The following SPAG16 variants were observed in gnomAD, a reference collection of about 807,000 sequenced individuals.
SPAG16 encodes sperm-associated antigen 16 protein.
In SPAG16, 86 loss-of-function variants were observed where a neutral mutation model predicts 80.4. The observed-to-expected ratio is 1.07, with a 90% CI of 0.90 to 1.28. The LOEUF is 1.28. Among genes scored for constraint, SPAG16 ranks in the 50% most tolerant of loss-of-function variants. The pLI, the probability that SPAG16 is intolerant of heterozygous loss-of-function variation, is 0.00. For missense variants in SPAG16, 870 were observed against 765.3 expected, an observed-to-expected ratio of 1.14 and a Z score of -1.61; for synonymous variants, 294 against 265.9, an observed-to-expected ratio of 1.11 and a Z score of -1.03.
chr2:213,829,386 C>T (rs2073493529), intron 10 of SPAG16, among the ~76,000 whole-genome samples: 1 of 152,018 alleles, frequency 6.6e-6, no homozygotes, highest in Non-Finnish European at 1.5e-5. Flanking sequence ...AGGACTCGCT[C>T]TTCAGGGATG....
At chr2:214,379,060 G>A (rs1402914069) in intron 15 of SPAG16, among the ~76,000 whole-genome samples, 1 of 152,218 alleles carries the variant, frequency 6.6e-6, no homozygotes, top group African/African-American at 2.4e-5. Flanking sequence ...GAACTCTGGA[G>A]TAGATTGACA....
At chr2:214,368,826 T>C (rs1343980000) in intron 15 of SPAG16, among the ~76,000 whole-genome samples, 1 of 152,092 alleles carries the variant, frequency 6.6e-6, no homozygotes. Flanking sequence ...CTGAAACCCT[T>C]ATACCTCTAA....
chr2:213,738,495 A>G (rs1373353921), intron 10 of SPAG16, among the ~76,000 whole-genome samples: 1 of 152,162 alleles, frequency 6.6e-6, no homozygotes, highest in Non-Finnish European at 1.5e-5. Flanking sequence ...TAGCTACATT[A>G]CTATTCTTGG....
chr2:214,089,357 A>G (rs1001609212), intron 13 of SPAG16, among the ~76,000 whole-genome samples: 6 of 152,130 alleles, frequency 3.9e-5, no homozygotes, highest in Non-Finnish European at 7.4e-5. Context: ...TTAGAAATTC[A>G]CAATTTCTGA....
At chr2:213,343,461 AAT>A (rs1377045409) in intron 6 of SPAG16, among the ~76,000 whole-genome samples, 3 of 152,180 alleles carry the variant, frequency 2.0e-5, no homozygotes, top group African/African-American at 7.2e-5. Flanking sequence ...ACAATAAATA[AAT>A]AAAGTTTATA....
chr2:213,867,013 A>G, intron 11 of SPAG16, among the ~76,000 whole-genome samples: 1 of 93,354 alleles, frequency 1.1e-5, no homozygotes, highest in African/African-American at 2.8e-5. Flanking sequence ...GCCTCAAAAT[A>G]ATAACTATAC....
In SPAG16 at chr2:214,102,963, T is replaced by C. The variant is rs1473255122; in HGVS notation, c.1528-5233T>C. Among the ~76,000 whole-genome samples the C allele has an allele frequency of 3.9e-5, 6 of 152,126 alleles. No homozygotes were observed. The South Asian group carries it at 1.2e-3, about 32-fold the overall frequency. ...GCTAGGACTTCATGGGCTTGCCTCT[T>C]TCCCATGATTCTTCGCGTAGGGTGG... On this transcript the variant is annotated intron_variant, in intron 13 of 15. Coordinates refer to ENST00000331683, the MANE Select transcript of SPAG16 (RefSeq NM_024532.5).
At chr2:213,928,905 A>ACG (rs1052220700) in intron 11 of SPAG16, among the ~76,000 whole-genome samples, 5 of 2,112 alleles carry the variant, frequency 2.4e-3, no homozygotes, top group African/African-American at 2.5e-3. Flanking sequence ...AGCTGATGTT[A>ACG]CACACACACA....
At chr2:213,541,694 A>G (rs1331425724) in intron 10 of SPAG16, among the ~76,000 whole-genome samples, 1 of 152,242 alleles carries the variant, frequency 6.6e-6, no homozygotes, top group Admixed American at 6.5e-5. Flanking sequence ...TCCAAGATGT[A>G]TAATAAACAT....
At chr2:213,744,191 G>A (rs1409493859) in intron 10 of SPAG16, among the ~76,000 whole-genome samples, 15 of 152,146 alleles carry the variant, frequency 9.9e-5, no homozygotes, top group Admixed American at 9.8e-4. Flanking sequence ...GGACAGCTCT[G>A]AACCAAAGCA....
chr2:213,606,474 T>G (rs1163330101), intron 10 of SPAG16, among the ~76,000 whole-genome samples: 1 of 152,222 alleles, frequency 6.6e-6, no homozygotes. Context: ...TCATTGTGTT[T>G]TGATTGAAAC....
intron 9 of SPAG16, among the ~76,000 whole-genome samples, chr2:213,379,928 C>T (rs975856430): frequency 5.9e-5 from 9 of 152,102 alleles, no homozygotes; most frequent in South Asian, 2.1e-4. Flanking sequence ...GTCCACAGAA[C>T]GGGGCATCCT....
chr2:214,406,027 T>A (rs563065947), intron 15 of SPAG16, among the ~76,000 whole-genome samples: 80 of 152,196 alleles, frequency 5.3e-4, no homozygotes, highest in Non-Finnish European at 7.3e-4. Context: ...ATAAAGGTTT[T>A]TGTGCTCCTA....
In SPAG16 at chr2:214,013,964, T is replaced by A. The variant is rs2047452666; in HGVS notation, c.1414T>A (p.Cys472Ser). 2 of 1,613,212 alleles carry A rather than the reference T, an allele frequency of 1.2e-6. No homozygotes were observed. Among genetic ancestry groups the A allele is most frequent in the Non-Finnish European group, 8.5e-7 (1 of 1,179,596 alleles). Residue 472 changes from cysteine (C) to serine (S), a missense_variant, in exon 13 of 16, where the codon TGT (cysteine) becomes AGT (serine). Physicochemically the swap from Cys to Ser is moderately radical, Grantham distance 112 (BLOSUM62 -1). Transcript: ENST00000331683. ...IWDVNSERCR[C>S]TLYGHTDSVN... Reference sequence around the variant, plus strand: ...CTCTCTTTATAGTGAAAGATGCAGATGTACTTTGTATGGACATACAGATTC... The same window carrying A: ...CTCTCTTTATAGTGAAAGATGCAGAAGTACTTTGTATGGACATACAGATTC...
intron 13 of SPAG16, among the ~76,000 whole-genome samples, chr2:214,023,342 C>G (rs1413570139): frequency 6.6e-6 from 1 of 151,578 alleles, no homozygotes; most frequent in East Asian, 1.9e-4. Context: ...ACTGGTTTGG[C>G]TTTCACATCT....
chr2:213,643,389 T>C (rs2062692139), intron 10 of SPAG16, among the ~76,000 whole-genome samples: 2 of 90,670 alleles, frequency 2.2e-5, no homozygotes, highest in African/African-American at 7.9e-5. Context: ...TATATATATA[T>C]ATATATATAT....
At chr2:213,972,873 T>C (rs1050777880) in intron 12 of SPAG16, among the ~76,000 whole-genome samples, 1 of 152,230 alleles carries the variant, frequency 6.6e-6, no homozygotes, top group Admixed American at 6.5e-5. Flanking sequence ...CTCTGTGGGT[T>C]GTGTTTTCAC....
At chr2:214,161,116 T>C (rs34066079) in intron 15 of SPAG16, among the ~76,000 whole-genome samples, 48,086 of 152,046 alleles carry the variant, frequency 0.32, 9,576 homozygotes, top group Non-Finnish European at 0.44. Flanking sequence ...TCCATGTTTC[T>C]GCAAATAACA....
intron 10 of SPAG16, among the ~76,000 whole-genome samples, chr2:213,659,548 G>A (rs887123755): frequency 1.3e-5 from 2 of 152,214 alleles, no homozygotes; most frequent in Admixed American, 6.5e-5. Flanking sequence ...TAGATTTCCT[G>A]TGGATGATAC....
Sources: gnomAD v4.1 joint callset for allele counts (sites outside exome capture counted in the v4.1 genomes callset) on GRCh38, gnomAD v4.1.1 for gene constraint, MANE v1.5 for transcripts, NCBI Gene and HGNC (gene_info 2026-07-23, HGNC 2026-07-21) for gene names.